Variants in SPAG16 observed in about 807,000 individuals in gnomAD.
SPAG16 encodes the protein sperm associated antigen 16, also known as sperm-associated antigen 16 protein.
A neutral mutation model predicts 80.4 loss-of-function variants in SPAG16; 86 were observed. The observed-to-expected ratio is 1.07, with a 90% CI of 0.90 to 1.28. The LOEUF (loss-of-function observed/expected upper bound fraction) is 1.28, where lower values mean the gene tolerates loss of function less well. Ranked by LOEUF, SPAG16 falls within the 50% of genes most tolerant of loss-of-function variation. SPAG16 has a pLI of 0.00. For missense variants in SPAG16, 870 were observed against 765.3 expected, an observed-to-expected ratio of 1.14 and a Z score of -1.61; for synonymous variants, 294 against 265.9, an observed-to-expected ratio of 1.11 and a Z score of -1.03.
chr2:214,346,261 A>G (rs1698042490), intron 15 of SPAG16, among the ~76,000 whole-genome samples: 1 of 151,630 alleles, frequency 6.6e-6, no homozygotes, highest in Admixed American at 6.6e-5. Context: ...TCATTTGTAA[A>G]TTCTAACCCT....
intron 10 of SPAG16, among the ~76,000 whole-genome samples, chr2:213,523,093 A>G (rs1315289957): frequency 1.3e-5 from 2 of 152,118 alleles, no homozygotes; most frequent in African/African-American, 4.8e-5. Context: ...CTTGAATTGT[A>G]GTTCCCATAA....
intron 10 of SPAG16, among the ~76,000 whole-genome samples, chr2:213,659,310 C>A (rs1441119245): frequency 6.8e-6 from 1 of 147,550 alleles, no homozygotes; most frequent in Non-Finnish European, 1.5e-5. Context: ...CACAGATATT[C>A]TAAGGTAGGG....
intron 6 of SPAG16, among the ~76,000 whole-genome samples, chr2:213,342,318 T>TATATATATTATATATATG (rs1559430432): frequency 3.9e-4 from 47 of 120,306 alleles, no homozygotes; most frequent in African/African-American, 1.3e-3. Context: ...ATATATATGT[T>TATATATATTATATATATG]ACATATATGT....
intron 9 of SPAG16, among the ~76,000 whole-genome samples, chr2:213,476,573 G>A (rs1043250896): frequency 1.5e-4 from 23 of 152,276 alleles, no homozygotes; most frequent in Admixed American, 9.8e-4. Flanking sequence ...AAGAAGCCTC[G>A]GAATGAAAGT....
chr2:214,138,531 A>G (rs4602167), intron 14 of SPAG16, among the ~76,000 whole-genome samples: 146,941 of 152,210 alleles, frequency 0.97, 71,061 homozygotes, highest in Non-Finnish European at 0.99. Context: ...CCAATTTGGC[A>G]TATTTGAGGA....
intron 10 of SPAG16, among the ~76,000 whole-genome samples, chr2:213,578,259 C>T (rs1023724094): frequency 5.3e-5 from 8 of 151,930 alleles, no homozygotes; most frequent in African/African-American, 1.9e-4. Flanking sequence ...GATATAATTT[C>T]AATATTGATG....
At chr2:213,870,623 G>T (rs1417854568) in intron 11 of SPAG16, among the ~76,000 whole-genome samples, 1 of 152,124 alleles carries the variant, frequency 6.6e-6, no homozygotes, top group Non-Finnish European at 1.5e-5. Context: ...TATATCAAAA[G>T]GTTTTCATGA....
chr2:214,130,308 A>G (rs1447435980), intron 14 of SPAG16, among the ~76,000 whole-genome samples: 1 of 152,192 alleles, frequency 6.6e-6, no homozygotes, highest in Non-Finnish European at 1.5e-5. Context: ...ACACTTTTAC[A>G]ACACCTTTCT....
chr2:213,661,966 T>A (rs985571320), intron 10 of SPAG16, among the ~76,000 whole-genome samples: 2 of 152,198 alleles, frequency 1.3e-5, no homozygotes, highest in African/African-American at 4.8e-5. Flanking sequence ...ATGATACTTA[T>A]GTATTATTGT....
At chr2:213,714,637 C>T (rs747049333) in intron 10 of SPAG16, among the ~76,000 whole-genome samples, 1 of 152,054 alleles carries the variant, frequency 6.6e-6, no homozygotes, top group Non-Finnish European at 1.5e-5. Flanking sequence ...ACAAGCATGG[C>T]CCCTACTATG....
chr2:214,268,626 C>T (rs1691764711), intron 15 of SPAG16, among the ~76,000 whole-genome samples: 1 of 151,682 alleles, frequency 6.6e-6, no homozygotes, highest in South Asian at 2.1e-4. Context: ...AAAGAAGAAC[C>T]AACATGACTG....
chr2:213,630,856 CATAA>C (rs532057502), intron 10 of SPAG16, among the ~76,000 whole-genome samples: 10 of 152,008 alleles, frequency 6.6e-5, no homozygotes, highest in Non-Finnish European at 1.5e-4. Flanking sequence ...CTACCTGGGA[CATAA>C]ATAAACAAAT....
At chr2:214,109,780 C>T (rs1435656838) in intron 14 of SPAG16, among the ~76,000 whole-genome samples, 1 of 151,930 alleles carries the variant, frequency 6.6e-6, no homozygotes, top group East Asian at 1.9e-4. Context: ...TTCTAGATAC[C>T]AAGGAATATT....
intron 15 of SPAG16, among the ~76,000 whole-genome samples, chr2:214,205,133 A>G (rs923218149): frequency 6.6e-6 from 1 of 152,122 alleles, no homozygotes; most frequent in Non-Finnish European, 1.5e-5. Context: ...AGAGGCTGGG[A>G]GAATTGCTTG....
At chr2:214,222,109 TC>T (rs1576530613) in intron 15 of SPAG16, among the ~76,000 whole-genome samples, 1 of 133,014 alleles carries the variant, frequency 7.5e-6, no homozygotes, top group Non-Finnish European at 1.7e-5. Context: ...TCCTTGCTAT[TC>T]TTTTTTTTTT....
chr2:214,280,645 G>T, intron 15 of SPAG16: 1 of 270,730 alleles, frequency 3.7e-6, no homozygotes, highest in Non-Finnish European at 7.3e-6. Flanking sequence ...TTAGCTCTCA[G>T]TAGCCTGCCC....
chr2:214,183,917 T>C (rs1014315405), intron 15 of SPAG16, among the ~76,000 whole-genome samples: 1 of 152,082 alleles, frequency 6.6e-6, no homozygotes, highest in African/African-American at 2.4e-5. Flanking sequence ...TAAGTACATA[T>C]CTTAAAACAT....
chr2:213,592,919 A>G (rs746299923), intron 10 of SPAG16, among the ~76,000 whole-genome samples: 1 of 152,234 alleles, frequency 6.6e-6, no homozygotes, highest in Admixed American at 6.5e-5. Flanking sequence ...ACAGACAAGT[A>G]TAACATATTG....
rs950832470 is a variant in SPAG16, at chr2:213,292,747, TTTTA to T, written c.137-3310_137-3307del. Among the ~76,000 whole-genome samples, 126 of 151,936 alleles carry T rather than the reference TTTTA, an allele frequency of 8.3e-4. 1 individual carries two copies. Among genetic ancestry groups the T allele is most frequent in the Non-Finnish European group, 4.3e-4 (29 of 67,962 alleles). On this transcript the variant is annotated intron_variant, in intron 1 of 15. Coordinates refer to ENST00000331683, the MANE Select transcript of SPAG16 (RefSeq NM_024532.5). Reference sequence around the variant, plus strand: ...TAACTGGAGGGAAATTTAAAATGTCTTTTATTTATTCATTTTAACATATGGGGGA... The same window carrying T: ...TAACTGGAGGGAAATTTAAAATGTCTTTTATTCATTTTAACATATGGGGGA...
Sources: allele counts gnomAD v4.1 joint callset (sites outside exome capture counted in the v4.1 genomes callset), GRCh38; gene constraint gnomAD v4.1.1; transcripts MANE v1.5; gene names NCBI Gene and HGNC (gene_info 2026-07-23, HGNC 2026-07-21).